Variants in HDHD5 observed in about 807,000 individuals in gnomAD.
HDHD5 encodes haloacid dehalogenase-like hydrolase domain-containing 5.
In HDHD5, 34 loss-of-function variants were observed where a neutral mutation model predicts 35.5. That is an observed-to-expected ratio of 0.96 (90% CI 0.73 to 1.28). The LOEUF (loss-of-function observed/expected upper bound fraction) is 1.28. Among genes scored for constraint, HDHD5 ranks in the 50% most tolerant of loss-of-function variants. The pLI is 0.00. For synonymous variants in HDHD5, 248 were observed against 240.6 expected, an observed-to-expected ratio of 1.03 and a Z score of -0.29; for missense variants, 589 against 560.2, an observed-to-expected ratio of 1.05 and a Z score of -0.52.
upstream of HDHD5, among the ~76,000 whole-genome samples, chr22:17,161,256 AAAAAAG>A (rs2061861862): frequency 6.7e-6 from 1 of 148,434 alleles, no homozygotes; most frequent in Non-Finnish European, 1.5e-5. Flanking sequence ...AAAAAAAAAA[AAAAAAG>A]AAAGAAGAAA....
At chr22:17,140,803 G>A (rs2061591086) in intron 6 of HDHD5, among the ~76,000 whole-genome samples, 1 of 152,164 alleles carries the variant, frequency 6.6e-6, no homozygotes, top group Non-Finnish European at 1.5e-5. Flanking sequence ...GATTACAGGG[G>A]GCAGGGGTCA....
At chr22:17,142,363 C>T (rs2061609622) in intron 5 of HDHD5, 6 of 152,242 alleles carry the variant, frequency 3.9e-5, no homozygotes. Flanking sequence ...CATTTTTGTA[C>T]AGCTTCAATA....
At chr22:17,162,426 A>G (rs766223263), upstream of HDHD5, among the ~76,000 whole-genome samples, 5 of 152,230 alleles carry the variant, frequency 3.3e-5, no homozygotes, top group African/African-American at 7.2e-5. Flanking sequence ...TTTCAGCCTA[A>G]GTCAGCAGTG....
intron 7 of HDHD5, 95 bp from the exon 8 acceptor site, chr22:17,138,452 A>C: frequency 6.5e-7 from 1 of 1,543,546 alleles, no homozygotes; most frequent in South Asian, 1.2e-5. Context: ...TTCGGGGCAG[A>C]AGAGTGAATT....
intron 3 of HDHD5, 116 bp from the exon 4 acceptor site, chr22:17,145,233 G>A (rs1016277457): frequency 6.6e-7 from 1 of 1,511,312 alleles, no homozygotes; most frequent in East Asian, 2.5e-5. Flanking sequence ...AGGCAGGAGG[G>A]CACCAAGCAG....
At position 17,143,082 on chromosome 22, in the gene HDHD5, A is replaced by G; in HGVS notation, c.571+16T>C. The G allele has an allele frequency of 6.2e-7, 1 of 1,609,108 alleles. No homozygotes were observed. The highest frequency in any genetic ancestry group is 8.5e-7 in the Non-Finnish European group (1 of 1,178,000). ...GAGAAAAGACCTCACAACTCATCAA[A>G]GAGGACCTCTCTTACCTTCAATGCG... On this transcript the variant is annotated intron_variant, in intron 5 of 7. Coordinates refer to ENST00000336737, the MANE Select transcript of HDHD5 (RefSeq NM_033070.3).
At chr22:17,158,741 G>C (rs958645603) in intron 1 of HDHD5, 1 of 155,968 alleles carries the variant, frequency 6.4e-6, no homozygotes, top group African/African-American at 2.4e-5. Context: ...CCGCAGGCGC[G>C]GCTCCCGGCG....
chr22:17,157,271 C>CTTTTTTTTCTT (rs1555881574), intron 1 of HDHD5, among the ~76,000 whole-genome samples: 10 of 136,702 alleles, frequency 7.3e-5, no homozygotes, highest in African/African-American at 1.6e-4. Flanking sequence ...GGTTAATTTT[C>CTTTTTTTTCTT]TTTTTTTTTT....
Position 17,138,261 on chromosome 22 carries a change from GC to G in HDHD5, c.1031del (p.Gly344AlafsTer61). The G allele has an allele frequency of 6.2e-7, 1 of 1,614,168 alleles. No individual in the cohort carries two copies. The highest frequency in any genetic ancestry group is 8.5e-7 in the Non-Finnish European group (1 of 1,180,044). Reference protein sequence around the residue: ...HDGAPELGAGGTRQQQPSASQ... With the variant: ...HDGAPELGAGXTRQQQPSASQ... The stretch of plus-strand genomic sequence containing the variant: ...TTGCTGAGGGCTGTTGCTGCCGTGT[GC>G]CCCCGGCCCCTAGTTCTGGCGCCCC... On this transcript the variant is annotated frameshift_variant, in exon 8 of 8. Coordinates refer to ENST00000336737, the MANE Select transcript of HDHD5 (RefSeq NM_033070.3). LOFTEE classifies it low-confidence loss of function (END_TRUNC).
chr22:17,148,581 G>A, intron 2 of HDHD5, 21 bp from the exon 3 acceptor site: 2 of 1,558,864 alleles, frequency 1.3e-6, no homozygotes, highest in African/African-American at 1.4e-5. Context: ...AGCCAAGACA[G>A]GGGAGGGCAG....
At chr22:17,143,973 C>CA (rs1160776950) in intron 4 of HDHD5, among the ~76,000 whole-genome samples, 1 of 152,192 alleles carries the variant, frequency 6.6e-6, no homozygotes, top group Non-Finnish European at 1.5e-5. Flanking sequence ...GGGACAAAGT[C>CA]AGTGCTCAAA....
At position 17,141,206 on chromosome 22, in the gene HDHD5, C is replaced by A. The variant is rs374469274; in HGVS notation, c.599G>T (p.Arg200Leu). ...EGVLLLGEPV[R>L]WETSLQLIMD... ...GATCAGCTGCAGGCTGGTCTCCCAG[C>A]GGACCGGCTCCCCTAGGAGGAGCAC... Residue 200 changes from arginine to leucine, a missense_variant, in exon 6 of 8, where the codon CGC becomes CTC. Transcript: ENST00000336737. The A allele has an allele frequency of 6.3e-7, 1 of 1,596,528 alleles. No homozygotes were observed. Among genetic ancestry groups the A allele is most frequent in the East Asian group, 2.3e-5 (1 of 42,600 alleles).
Position 17,137,528 on chromosome 22 carries a change from A to G in HDHD5, c.*493T>C, listed in dbSNP as rs1376710093. On this transcript the variant is annotated 3_prime_UTR_variant, in exon 8 of 8. Coordinates refer to ENST00000336737, the MANE Select transcript of HDHD5 (RefSeq NM_033070.3). ...ACAGAGCTTCACAAGAGTCAGCATC[A>G]TGAACATTTATTATGATTATTTTAT... 1.3e-5 allele frequency: 2 copies of G among 153,470 alleles called. No homozygotes were observed. The highest frequency in any genetic ancestry group is 2.9e-5 in the Non-Finnish European group (2 of 69,048). 9.5% of individuals were successfully genotyped at this position (153,470 alleles called of 1,614,324 possible).
In HDHD5 at chr22:17,142,220, C is replaced by G. The variant is rs568784931; in HGVS notation, c.571+878G>C. 6 of 152,228 alleles carry G rather than the reference C, an allele frequency of 3.9e-5. No individual in the cohort carries two copies. In the East Asian group the frequency reaches 9.7e-4, roughly 25 times the overall value. The allele number at this position is 152,228 out of a possible 1,614,324, so 9.4% of individuals were successfully genotyped here. ...GTGAGAGCCCGTCTCTACAAAACAA[C>G]AAGAAGAAAAAGAAAAAACTTTCCC... On this transcript the variant is annotated intron_variant, in intron 5 of 7. Transcript: ENST00000336737.
intron 1 of HDHD5, among the ~76,000 whole-genome samples, chr22:17,165,007 T>A (rs1170367704): frequency 6.6e-6 from 1 of 152,070 alleles, no homozygotes; most frequent in African/African-American, 2.4e-5. Flanking sequence ...CTGCTCACTG[T>A]CTCTCTCTCT....
chr22:17,159,255 G>A lies in HDHD5; in HGVS notation c.-4C>T, dbSNP rs1480719760. 7.9e-7 allele frequency: 1 copy of A among 1,263,348 alleles called. No homozygotes were observed. The highest frequency in any genetic ancestry group is 1.0e-6 in the Non-Finnish European group (1 of 1,004,330). The allele number at this position is 1,263,348 out of a possible 1,614,324, so 78.3% of individuals were successfully genotyped here. ...CCACACAGCCCCACGCAGCCATCCG[G>A]CCGTCGCCGTGCGCACGTGCACGGC... On this transcript the variant is annotated 5_prime_UTR_variant, in exon 1 of 8. Transcript: ENST00000336737.
At chr22:17,141,509 T>C in intron 5 of HDHD5, 1 of 1,273,648 alleles carries the variant, frequency 7.9e-7, no homozygotes, top group Non-Finnish European at 9.9e-7. Context: ...AAGCAGCATG[T>C]CTCAGGGCTA....
upstream of HDHD5, among the ~76,000 whole-genome samples, chr22:17,160,087 G>A (rs1044411798): frequency 6.6e-6 from 1 of 152,258 alleles, no homozygotes; most frequent in African/African-American, 2.4e-5. Context: ...CCCACCGTTT[G>A]AAATGTGTAG....
chr22:17,156,017 G>A (rs2061785608), intron 1 of HDHD5, among the ~76,000 whole-genome samples: 1 of 152,018 alleles, frequency 6.6e-6, no homozygotes, highest in African/African-American at 2.4e-5. Flanking sequence ...AATGTTTATG[G>A]TACATTATCT....
Sources: allele counts gnomAD v4.1 joint callset (sites outside exome capture counted in the v4.1 genomes callset), GRCh38; gene constraint gnomAD v4.1.1; transcripts MANE v1.5; gene names NCBI Gene and HGNC (gene_info 2026-07-23, HGNC 2026-07-21).